The following CARNMT1 variants were observed in gnomAD, a reference collection of about 807,000 sequenced individuals.
CARNMT1 encodes the protein carnosine N-methyltransferase 1, also known as protein-L-histidine N-pros-methyltransferase CARNMT1.
In CARNMT1, 28 loss-of-function variants were observed where a neutral mutation model predicts 49.6. The ratio of observed to expected loss-of-function variants is 0.56; its 90% CI spans 0.42 to 0.77. The LOEUF is 0.77. Ranked by LOEUF, CARNMT1 falls within the 30% of genes least tolerant of loss-of-function variation. The probability of loss-of-function intolerance (pLI) is 0.00; values close to 1 mark genes in which losing one functional copy is unlikely to be tolerated. For missense variants in CARNMT1, 421 were observed against 512.6 expected (o/e 0.82, Z 1.73); for synonymous variants, 178 against 175.0 (o/e 1.02, Z -0.13).
intron 2 of CARNMT1, chr9:75,016,992 C>T (rs981109937): frequency 5.2e-5 from 23 of 439,006 alleles, no homozygotes; most frequent in Non-Finnish European, 8.0e-5. Context: ...AGTCACTAAC[C>T]CTGTATTCCA....
intron 6 of CARNMT1, among the ~76,000 whole-genome samples, chr9:74,995,568 C>T (rs1464702555): frequency 1.3e-5 from 2 of 152,152 alleles, no homozygotes; most frequent in African/African-American, 2.4e-5. Context: ...AAAAGACTTA[C>T]TACTACCTCC....
chr9:74,998,549 A>T, intron 5 of CARNMT1, 49 bp downstream of exon 5: 1 of 1,414,064 alleles, frequency 7.1e-7, no homozygotes, highest in Non-Finnish European at 9.4e-7. Flanking sequence ...CTAGCTCATT[A>T]AATTTAGAAT....
chr9:74,986,499 A>G (rs1832843947), intron 6 of CARNMT1, among the ~76,000 whole-genome samples: 1 of 152,208 alleles, frequency 6.6e-6, no homozygotes, highest in South Asian at 2.1e-4. Flanking sequence ...TGTTTCCTAG[A>G]CTACCCAAAG....
At chr9:75,002,830 T>C (rs1833401975) in intron 3 of CARNMT1, among the ~76,000 whole-genome samples, 1 of 152,082 alleles carries the variant, frequency 6.6e-6, no homozygotes, top group African/African-American at 2.4e-5. Flanking sequence ...AACCTCTGCC[T>C]CTCAGGCTCA....
chr9:75,023,124 A>G (rs1822425433), intron 1 of CARNMT1, among the ~76,000 whole-genome samples: 1 of 150,120 alleles, frequency 6.7e-6, no homozygotes, highest in Non-Finnish European at 1.5e-5. Flanking sequence ...CCTGGGTGAC[A>G]GAGCAAGACT....
At chr9:75,006,242 G>A (rs955222703) in intron 3 of CARNMT1, among the ~76,000 whole-genome samples, 2 of 151,902 alleles carry the variant, frequency 1.3e-5, no homozygotes, top group Non-Finnish European at 2.9e-5. Flanking sequence ...AGTAGAGACG[G>A]GGCCTCACCA....
At chr9:74,987,186 G>A (rs1196964400) in intron 6 of CARNMT1, among the ~76,000 whole-genome samples, 1 of 152,106 alleles carries the variant, frequency 6.6e-6, no homozygotes, top group Admixed American at 6.6e-5. Context: ...ATATTAAATT[G>A]TGGGAATGCA....
intron 5 of CARNMT1, among the ~76,000 whole-genome samples, chr9:74,997,883 C>G (rs1833237425): frequency 6.6e-6 from 1 of 152,064 alleles, no homozygotes; most frequent in South Asian, 2.1e-4. Context: ...TCTTTTGACA[C>G]CTAGAAAAAT....
intron 6 of CARNMT1, among the ~76,000 whole-genome samples, chr9:74,991,892 T>C (rs1564092779): frequency 6.6e-6 from 1 of 152,214 alleles, no homozygotes; most frequent in African/African-American, 2.4e-5. Flanking sequence ...CCATGTGTTT[T>C]ATATCTTTTT....
chr9:74,988,362 A>C (rs989204024), intron 6 of CARNMT1, among the ~76,000 whole-genome samples: 1 of 152,236 alleles, frequency 6.6e-6, no homozygotes, highest in African/African-American at 2.4e-5. Context: ...ATTCAGAGTA[A>C]GCACTTGAAT....
chr9:75,004,729 C>T (rs1833453094), intron 3 of CARNMT1, among the ~76,000 whole-genome samples: 1 of 151,772 alleles, frequency 6.6e-6, no homozygotes, highest in Non-Finnish European at 1.5e-5. Flanking sequence ...TATTTTTTTC[C>T]TAATGCCCAA....
chr9:74,989,077 T>C (rs1832938799), intron 6 of CARNMT1, among the ~76,000 whole-genome samples: 1 of 152,172 alleles, frequency 6.6e-6, no homozygotes, highest in African/African-American at 2.4e-5. Context: ...AATGAACATT[T>C]TTTTCTGTAT....
At chr9:74,989,851 A>G (rs1490982430) in intron 6 of CARNMT1, among the ~76,000 whole-genome samples, 1 of 152,252 alleles carries the variant, frequency 6.6e-6, no homozygotes, top group Non-Finnish European at 1.5e-5. Flanking sequence ...GAAAGCAGAA[A>G]ATGACCTGCA....
At chr9:75,028,393 G>A (rs1356420504), upstream of CARNMT1, 3 of 1,293,672 alleles carry the variant, frequency 2.3e-6, no homozygotes, top group East Asian at 3.3e-5. Context: ...GCCTCCATCC[G>A]CGCTGGGCTC....
chr9:75,013,866 G>A (rs1287672747), intron 3 of CARNMT1, among the ~76,000 whole-genome samples: 1 of 151,554 alleles, frequency 6.6e-6, no homozygotes, highest in African/African-American at 2.4e-5. Context: ...AATTAGCTGG[G>A]AGGCTGAGGT....
chr9:75,027,392 A>G, intron 1 of CARNMT1: 2 of 984,322 alleles, frequency 2.0e-6, no homozygotes, highest in African/African-American at 1.7e-5. Context: ...AATAATTAGC[A>G]AATTTTAGAA....
At chr9:75,001,612 A>G (rs1476065980) in intron 3 of CARNMT1, among the ~76,000 whole-genome samples, 1 of 152,224 alleles carries the variant, frequency 6.6e-6, no homozygotes, top group Non-Finnish European at 1.5e-5. Context: ...CAAACCCTCT[A>G]GAACTGAAAA....
At chr9:75,005,217 C>A (rs1442571146) in intron 3 of CARNMT1, among the ~76,000 whole-genome samples, 1 of 152,126 alleles carries the variant, frequency 6.6e-6, no homozygotes, top group Non-Finnish European at 1.5e-5. Context: ...AGCAACTGCT[C>A]ACTAGAGTAG....
intron 5 of CARNMT1, among the ~76,000 whole-genome samples, chr9:74,997,735 C>A (rs1454151091): frequency 6.6e-6 from 1 of 151,882 alleles, no homozygotes; most frequent in East Asian, 1.9e-4. Context: ...CTATATAAAG[C>A]AGCAGCCTCT....
Sources: allele counts gnomAD v4.1 joint callset (sites outside exome capture counted in the v4.1 genomes callset), GRCh38; gene constraint gnomAD v4.1.1; transcripts MANE v1.5; gene names NCBI Gene and HGNC (gene_info 2026-07-23, HGNC 2026-07-21).